ROBO2: variants seen among roughly 807,000 people sequenced by gnomAD.
ROBO2 encodes roundabout homolog 2.
In ROBO2, 53 loss-of-function variants were observed where a neutral mutation model predicts 160.8. That is an observed-to-expected ratio of 0.33 (90% CI 0.26 to 0.41). ROBO2 has a LOEUF of 0.41. ROBO2 is among the 10% of genes least tolerant of loss of function. The pLI is 1.00. For missense variants in ROBO2, 1,577 were observed against 1,722.4 expected, an observed-to-expected ratio of 0.92 and a Z score of 1.49; for synonymous variants, 664 against 611.7, an observed-to-expected ratio of 1.09 and a Z score of -1.26.
chr3:76,230,418 A>G (rs17140522), intron 2 of ROBO2, among the ~76,000 whole-genome samples: 5,925 of 152,218 alleles, frequency 0.039, 453 homozygotes, highest in East Asian at 0.27. Context: ...TGTCAAATTA[A>G]CAACTGCTTC....
intron 2 of ROBO2, among the ~76,000 whole-genome samples, chr3:76,652,497 A>AAATT (rs1403611978): frequency 3.7e-4 from 56 of 152,320 alleles, no homozygotes; most frequent in African/African-American, 1.3e-3. Flanking sequence ...CCTTTGTGCT[A>AAATT]TACTCTGTAC....
At chr3:77,020,775 A>C (rs1205723420) in intron 2 of ROBO2, among the ~76,000 whole-genome samples, 1 of 152,214 alleles carries the variant, frequency 6.6e-6, no homozygotes, top group Non-Finnish European at 1.5e-5. Context: ...GAAGACATTA[A>C]AATAATGTGT....
intron 9 of ROBO2, 102 bp downstream of exon 10, chr3:77,558,251 T>G: frequency 2.2e-6 from 2 of 915,566 alleles, no homozygotes; most frequent in Non-Finnish European, 3.6e-6. Flanking sequence ...CTAGTATAAT[T>G]GCTGCACGTT....
chr3:76,415,644 G>A (rs1279501698), intron 2 of ROBO2, among the ~76,000 whole-genome samples: 1 of 152,114 alleles, frequency 6.6e-6, no homozygotes, highest in East Asian at 1.9e-4. Flanking sequence ...CTTTGAAAAT[G>A]GCAGGACAAT....
intron 2 of ROBO2, among the ~76,000 whole-genome samples, chr3:76,791,724 G>T (rs1407538130): frequency 6.6e-6 from 1 of 151,596 alleles, no homozygotes; most frequent in East Asian, 2.0e-4. Flanking sequence ...ATGATATCTG[G>T]CTTTAAGCCG....
chr3:76,525,541 A>G (rs186946136), intron 2 of ROBO2, among the ~76,000 whole-genome samples: 1 of 152,082 alleles, frequency 6.6e-6, no homozygotes, highest in East Asian at 1.9e-4. Flanking sequence ...TTAAACTGAA[A>G]AAAATTCTTT....
At chr3:77,595,144 A>G (rs2094271533) in exon 18 of ROBO2, 1 of 1,610,772 alleles carries the variant, frequency 6.2e-7, no homozygotes. Flanking sequence ...TTTCATAGTT[A>G]CGTTTCAAAG....
chr3:76,525,056 T>C (rs1193285544), intron 2 of ROBO2, among the ~76,000 whole-genome samples: 1 of 151,566 alleles, frequency 6.6e-6, no homozygotes, highest in African/African-American at 2.4e-5. Context: ...ACAAAACCGT[T>C]GTTTTGCTTT....
intron 2 of ROBO2, among the ~76,000 whole-genome samples, chr3:77,113,265 T>G (rs1414790674): frequency 6.6e-6 from 1 of 152,204 alleles, no homozygotes; most frequent in Non-Finnish European, 1.5e-5. Flanking sequence ...TTCCTGGGTC[T>G]GCTTTGAATA....
intron 2 of ROBO2, among the ~76,000 whole-genome samples, chr3:77,021,020 C>A (rs148610599): frequency 6.6e-6 from 1 of 151,878 alleles, no homozygotes; most frequent in South Asian, 2.1e-4. Flanking sequence ...GTCTGGGCAA[C>A]ATAGTGAGAC....
intron 2 of ROBO2, among the ~76,000 whole-genome samples, chr3:77,346,795 A>G (rs2067695872): frequency 6.6e-6 from 1 of 152,046 alleles, no homozygotes; most frequent in South Asian, 2.1e-4. Context: ...CTCCATTTTC[A>G]AAGCCGGCAA....
At chr3:76,291,957 A>C (rs1055062982) in intron 2 of ROBO2, among the ~76,000 whole-genome samples, 2 of 151,896 alleles carry the variant, frequency 1.3e-5, no homozygotes, top group African/African-American at 4.8e-5. Flanking sequence ...TAAGGTATGT[A>C]CTATGTGCAG....
At chr3:76,223,389 G>A (rs1051053709) in intron 2 of ROBO2, among the ~76,000 whole-genome samples, 3 of 151,166 alleles carry the variant, frequency 2.0e-5, no homozygotes, top group African/African-American at 7.3e-5. Context: ...AAGTAGGTAG[G>A]GGGGTAGGGA....
intron 5 of ROBO2, among the ~76,000 whole-genome samples, chr3:77,494,660 C>T (rs185184110): frequency 5.9e-5 from 9 of 152,218 alleles, no homozygotes; most frequent in South Asian, 4.1e-4. Context: ...ATGCTTCCTC[C>T]GAAGCTGTAT....
In ROBO2 at chr3:77,540,328, T is replaced by C. The variant is rs77328867; in HGVS notation, c.935-6010T>C. ...TAAAGTTCTATCATTCTTCTTCGTA[T>C]TAGATATGACAAATTTTTAGTTAAT... On this transcript the variant is annotated intron_variant, in intron 6 of 25. Coordinates refer to ENST00000461745, the Ensembl canonical transcript of ROBO2. Among the ~76,000 whole-genome samples, 627 of 152,334 alleles carry C rather than the reference T, an allele frequency of 4.1e-3. 10 individuals carry two copies. The East Asian group carries it at 0.062, about 15-fold the overall frequency.
intron 2 of ROBO2, among the ~76,000 whole-genome samples, chr3:76,531,126 G>A (rs765541156): frequency 2.6e-5 from 4 of 151,942 alleles, no homozygotes; most frequent in East Asian, 1.9e-4. Context: ...TTTTTTGTCC[G>A]ACCTCAGAGA....
intron 2 of ROBO2, among the ~76,000 whole-genome samples, chr3:76,211,146 A>G (rs1032736441): frequency 6.6e-6 from 1 of 152,042 alleles, no homozygotes; most frequent in Non-Finnish European, 1.5e-5. Context: ...GACACTGACA[A>G]TGTTTGCCCT....
chr3:76,419,188 A>C (rs2075885323), intron 2 of ROBO2, among the ~76,000 whole-genome samples: 1 of 152,188 alleles, frequency 6.6e-6, no homozygotes, highest in Non-Finnish European at 1.5e-5. Flanking sequence ...TATGTCATCA[A>C]ATGCCACGGT....
chr3:76,555,417 GAAA>G lies in ROBO2; in HGVS notation c.110-542596_110-542594del, dbSNP rs1560141458. On this transcript the variant is annotated intron_variant, in intron 2 of 26. Transcript: ENST00000487694. ...AGAAGAAGAAGAAGAAGAAGAAGAA[GAAA>G]GAAGGAGAAGGGGAAGGGGAAGAGG... Among the ~76,000 whole-genome samples, 270 of 53,416 alleles carry G rather than the reference GAAA, an allele frequency of 5.1e-3. 2 individuals carry two copies. Among genetic ancestry groups the G allele is most frequent in the African/African-American group, 8.8e-3 (259 of 29,318 alleles). 35.0% of individuals were successfully genotyped at this position (53,416 alleles called of 152,430 possible).
Sources: allele counts gnomAD v4.1 joint callset (sites outside exome capture counted in the v4.1 genomes callset), GRCh38; gene constraint gnomAD v4.1.1; transcripts MANE v1.5; gene names NCBI Gene and HGNC (gene_info 2026-07-23, HGNC 2026-07-21).